The following DNAJB12 variants were observed in gnomAD, a reference collection of about 807,000 sequenced individuals.
DNAJB12 encodes DnaJ heat shock protein family (Hsp40) member B12.
DNAJB12 carries 14 observed loss-of-function variants against 40.6 expected under a neutral mutation model. The observed-to-expected ratio is 0.34, with a 90% CI of 0.23 to 0.54. The LOEUF (loss-of-function observed/expected upper bound fraction) is 0.54, where lower values mean the gene tolerates loss of function less well. Among genes scored for constraint, DNAJB12 ranks in the 20% least tolerant of loss-of-function variants. The probability of loss-of-function intolerance (pLI) is 0.92; values close to 1 mark genes in which losing one functional copy is unlikely to be tolerated. For synonymous variants in DNAJB12, 181 were observed against 199.5 expected (o/e 0.91, Z 0.78); for missense variants, 444 against 501.7 (o/e 0.89, Z 1.10).
rs1486326307 is a variant in DNAJB12 at position 72,338,271 on chromosome 10, A to G, written c.764T>C (p.Ile255Thr). Residue 255 changes from isoleucine (I) to threonine (T), a missense_variant, in exon 6 of 9, where the codon ATC (isoleucine) becomes ACC (threonine). Physicochemically the swap from Ile to Thr is moderately conservative, Grantham distance 89 (BLOSUM62 -1). Coordinates refer to ENST00000444643, the MANE Select transcript of DNAJB12 (RefSeq NM_017626.7). ...GCTGAGAGCTGACACGAGAATCAGG[A>G]TGAGGATAGGCATCAGCTGCACAAA... ...GVFVQLMPIL[I>T]LILVSALSQL... 4 of 1,613,968 alleles carry G rather than the reference A, an allele frequency of 2.5e-6. No homozygotes were observed. The highest frequency in any genetic ancestry group is 2.7e-5 in the African/African-American group (2 of 74,904).
At chr10:72,345,806 C>T (rs1276484563) in intron 1 of DNAJB12, among the ~76,000 whole-genome samples, 2 of 145,978 alleles carry the variant, frequency 1.4e-5, no homozygotes, top group Admixed American at 1.4e-4. Flanking sequence ...GAGGCTGAGG[C>T]ATGAGAATTG....
chr10:72,343,416 T>C lies in DNAJB12; in HGVS notation c.407A>G (p.Lys136Arg). The C allele has an allele frequency of 6.2e-7, 1 of 1,614,138 alleles. No homozygotes were observed. The highest frequency in any genetic ancestry group is 8.5e-7 in the Non-Finnish European group (1 of 1,180,008). Residue 136 changes from lysine to arginine, a missense_variant, in exon 3 of 9, where the codon AAA becomes AGA. Physicochemically the swap from Lys to Arg is conservative, Grantham distance 26 (BLOSUM62 2). Transcript: ENST00000444643. ...TGCGTGGTTCTTGTCTGGGTGGAAT[T>C]TGAGGGCCAGTCTGCGGTAGGCCTT... is the stretch of plus-strand genomic sequence containing the variant. ...LKKAYRRLAL[K>R]FHPDKNHAPG...
At chr10:72,338,613 C>T (rs1176866549) in intron 5 of DNAJB12, among the ~76,000 whole-genome samples, 1 of 150,642 alleles carries the variant, frequency 6.6e-6, no homozygotes, top group Non-Finnish European at 1.5e-5. Context: ...GAAGGCAGGG[C>T]TGGAAGGAGA....
intron 2 of DNAJB12, 47 bp from the exon 3 acceptor site, chr10:72,343,558 T>C (rs760420454): frequency 1.2e-6 from 2 of 1,604,056 alleles, no homozygotes; most frequent in Non-Finnish European, 1.7e-6. Context: ...CATGGGTCTG[T>C]GTGAGGGGGG....
chr10:72,334,850 G>A lies in DNAJB12; in HGVS notation c.*31-233C>T, dbSNP rs569202822. ...GCCGGGAGGACACAGGCAAAGGAGG[G>A]GGTGGGCAGGGCACCCACACAGAGA... On this transcript the variant is annotated intron_variant, in intron 8 of 8. Coordinates refer to ENST00000444643, the MANE Select transcript of DNAJB12 (RefSeq NM_017626.7). 8.2e-6 allele frequency: 11 copies of A among 1,340,644 alleles called. No individual in the cohort carries two copies. The South Asian group carries it at 1.2e-4, about 14-fold the overall frequency. The allele number at this position is 1,340,644 out of a possible 1,614,324, so 83.0% of individuals were successfully genotyped here.
At position 72,335,152 on chromosome 10, in the gene DNAJB12, T is replaced by G. The variant is rs1355358722; in HGVS notation, c.*31-535A>C. 1 of 988,022 alleles carries G rather than the reference T, an allele frequency of 1.0e-6. No homozygotes were observed. The highest frequency in any genetic ancestry group is 4.6e-5 in the South Asian group (1 of 21,836). 61.2% of individuals were successfully genotyped at this position (988,022 alleles called of 1,614,324 possible). ...TCCAGGCTGCCAGGTGTGACGGCAT[T>G]CGAGAGAGTGCCTCAGATCCCACCA... On this transcript the variant is annotated intron_variant, in intron 8 of 8. Coordinates refer to ENST00000444643, the MANE Select transcript of DNAJB12 (RefSeq NM_017626.7). This position sits in a 1 kb window ranked among gnomAD's most constrained non-coding sequence, Gnocchi z 4.4.
intron 5 of DNAJB12, among the ~76,000 whole-genome samples, chr10:72,340,438 G>A (rs186451976): frequency 9.3e-4 from 142 of 152,344 alleles, no homozygotes; most frequent in Non-Finnish European, 1.6e-3. Context: ...CTCACAAAGT[G>A]TAACTTTCCA....
At chr10:72,338,404 G>A (rs982044510) in intron 5 of DNAJB12, 93 bp from the exon 6 acceptor site, 5 of 1,019,894 alleles carry the variant, frequency 4.9e-6, no homozygotes, top group Non-Finnish European at 7.5e-6. Flanking sequence ...AGTGGAGCCT[G>A]GGGAGACATG....
rs781725311 is a variant in DNAJB12, at chr10:72,343,492, A to T, written c.331T>A (p.Tyr111Asn). 1.9e-6 allele frequency: 3 copies of T among 1,614,096 alleles called. No individual in the cohort carries two copies. The highest frequency in any genetic ancestry group is 2.5e-6 in the Non-Finnish European group (3 of 1,180,022). Residue 111 changes from tyrosine (Y) to asparagine (N), a missense_variant, in exon 3 of 9, where the codon TAC becomes AAC. By Grantham distance (143) the Tyr-to-Asn change is moderately radical. Transcript: ENST00000444643. ...CTGCTCACCCCCAGGATCTCATAGT[A>T]ATCTTTACATTGCTTGACCCTGGGG... ...AVKRVKQCKDYYEILGVSRGA... is the reference protein window; with the variant it reads ...AVKRVKQCKDNYEILGVSRGA...
At chr10:72,336,014 G>A (rs959318906) in intron 7 of DNAJB12, 83 bp from the exon 8 acceptor site, 114 of 1,556,392 alleles carry the variant, frequency 7.3e-5, no homozygotes, top group African/African-American at 7.0e-4. Context: ...GTGGAGGGCG[G>A]AGGAAAGCTG....
chr10:72,352,088 T>G (rs1179636052), intron 1 of DNAJB12, among the ~76,000 whole-genome samples: 1 of 152,212 alleles, frequency 6.6e-6, no homozygotes, highest in Non-Finnish European at 1.5e-5. Context: ...TCTCTCCTAT[T>G]GGCTTCCTGC....
At position 72,341,078 on chromosome 10, in the gene DNAJB12, C is replaced by G. The variant is rs148088395; in HGVS notation, c.550G>C (p.Gly184Arg). ...CGGTGGAAATCCCCATGCCCATGGC[C>G]GTGCCGGGCCGCCTGGCTCTTGTCA... ...GDDKSQAARH[G>R]HGHGDFHRGF... Residue 184 changes from glycine (G) to arginine (R), a missense_variant, in exon 4 of 9, where the codon GGC (glycine) becomes CGC (arginine). Gly to Arg is a moderately radical substitution (Grantham distance 125). Transcript: ENST00000444643. The G allele has an allele frequency of 1.6e-5, 26 of 1,614,050 alleles. No homozygotes were observed. The African/African-American group carries it at 3.1e-4, about 19-fold the overall frequency.
chr10:72,344,890 C>T, intron 2 of DNAJB12, 60 bp downstream of exon 2: 1 of 1,596,688 alleles, frequency 6.3e-7, no homozygotes, highest in Middle Eastern at 1.7e-4. Flanking sequence ...AGGACATGCT[C>T]CAGGAAGCCT....
At chr10:72,339,737 G>A (rs141357554) in intron 5 of DNAJB12, among the ~76,000 whole-genome samples, 3,500 of 148,228 alleles carry the variant, frequency 0.024, 50 homozygotes, top group South Asian at 0.044. Flanking sequence ...TTTTTGAGAC[G>A]GAGTCTTGCT....
At chr10:72,336,005 TGGAGGGCGGA>T in intron 7 of DNAJB12, 74 bp from the exon 8 acceptor site, 2 of 1,581,852 alleles carry the variant, frequency 1.3e-6, no homozygotes, top group South Asian at 2.3e-5. Flanking sequence ...GCGAGGGCTG[TGGAGGGCGGA>T]GGAAAGCTGG....
intron 1 of DNAJB12, chr10:72,353,512 T>C (rs976082695): frequency 6.6e-6 from 1 of 152,288 alleles, no homozygotes; most frequent in Non-Finnish European, 1.5e-5. Flanking sequence ...GTTAGGAGGC[T>C]GACTGCTGTT....
At chr10:72,344,325 C>A (rs1026412972) in intron 2 of DNAJB12, among the ~76,000 whole-genome samples, 2 of 152,240 alleles carry the variant, frequency 1.3e-5, no homozygotes, top group Admixed American at 6.5e-5. Flanking sequence ...CTCACACAGG[C>A]GGCCTTGGTC....
intron 3 of DNAJB12, 60 bp downstream of exon 3, chr10:72,343,306 C>A: frequency 6.4e-7 from 1 of 1,565,530 alleles, no homozygotes; most frequent in Non-Finnish European, 8.7e-7. Flanking sequence ...TGGTCCCTTA[C>A]TCCCTGCCAT....
At chr10:72,350,512 C>T (rs1479157049) in intron 1 of DNAJB12, among the ~76,000 whole-genome samples, 1 of 147,100 alleles carries the variant, frequency 6.8e-6, no homozygotes. Context: ...CTGTGCAAAA[C>T]TCTATCTCCA....
Sources: gnomAD v4.1 joint callset for allele counts (sites outside exome capture counted in the v4.1 genomes callset) on GRCh38, gnomAD v4.1.1 for gene constraint, Gnocchi (gnomAD v3.1) non-coding constraint, MANE v1.5 for transcripts, NCBI Gene and HGNC (gene_info 2026-07-23, HGNC 2026-07-21) for gene names.